The following DDX60 variants were observed in gnomAD, a reference collection of about 807,000 sequenced individuals.
DDX60 encodes probable ATP-dependent RNA helicase DDX60.
Under a neutral mutation model 212.8 loss-of-function variants are expected in DDX60, and 165 were observed. The observed-to-expected ratio is 0.78, with a 90% CI of 0.68 to 0.88. The LOEUF (loss-of-function observed/expected upper bound fraction) is 0.88, where lower values mean the gene tolerates loss of function less well. Among genes scored for constraint, DDX60 ranks in the 40% least tolerant of loss-of-function variants. The probability of loss-of-function intolerance (pLI) is 0.00; values close to 1 mark genes in which losing one functional copy is unlikely to be tolerated. For missense variants in DDX60, 1,905 were observed against 2,003.9 expected (o/e 0.95, Z 0.94); for synonymous variants, 703 against 685.3 (o/e 1.03, Z -0.40).
intron 35 of DDX60, among the ~76,000 whole-genome samples, chr4:168,224,015 A>G (rs1733157195): frequency 6.6e-6 from 1 of 152,008 alleles, no homozygotes; most frequent in Admixed American, 6.6e-5. Context: ...GATTGAAGAA[A>G]AGTAGTGGTG....
intron 33 of DDX60, among the ~76,000 whole-genome samples, chr4:168,233,408 T>C (rs978871663): frequency 3.3e-5 from 5 of 152,036 alleles, no homozygotes; most frequent in African/African-American, 7.2e-5. Flanking sequence ...TACTTGGACA[T>C]GCATGTTTAC....
At chr4:168,289,936 C>T (rs1478113017) in intron 8 of DDX60, among the ~76,000 whole-genome samples, 1 of 152,170 alleles carries the variant, frequency 6.6e-6, no homozygotes, top group Non-Finnish European at 1.5e-5. Flanking sequence ...CCAAGTCCCC[C>T]CTGTTTTGCC....
chr4:168,261,299 G>A (rs1342266319), intron 24 of DDX60, among the ~76,000 whole-genome samples: 1 of 152,064 alleles, frequency 6.6e-6, no homozygotes, highest in Non-Finnish European at 1.5e-5. Context: ...TGACAGGAGG[G>A]CAAGTGTGAA....
At chr4:168,301,274 C>T (rs1736637369) in intron 6 of DDX60, among the ~76,000 whole-genome samples, 1 of 151,698 alleles carries the variant, frequency 6.6e-6, no homozygotes, top group East Asian at 1.9e-4. Context: ...GCTGAAAAGC[C>T]CTAGTAGCAA....
At chr4:168,243,922 C>G (rs1354022839) in intron 30 of DDX60, among the ~76,000 whole-genome samples, 1 of 152,088 alleles carries the variant, frequency 6.6e-6, no homozygotes, top group African/African-American at 2.4e-5. Flanking sequence ...TACTATGCAG[C>G]TATAAAAAGG....
intron 22 of DDX60, chr4:168,265,665 C>T (rs1734809617): frequency 6.6e-6 from 1 of 152,140 alleles, no homozygotes; most frequent in African/African-American, 2.4e-5. Flanking sequence ...TCAGCAAGTA[C>T]TCCAAACCAC....
intron 30 of DDX60, among the ~76,000 whole-genome samples, chr4:168,243,037 GCTCT>G (rs894026320): frequency 2.0e-5 from 3 of 152,002 alleles, no homozygotes; most frequent in Admixed American, 1.3e-4. Flanking sequence ...CCTTGCACAA[GCTCT>G]CTCTCTCTTT....
chr4:168,234,489 T>C (rs1200053764), intron 33 of DDX60, among the ~76,000 whole-genome samples: 1 of 152,142 alleles, frequency 6.6e-6, no homozygotes, highest in Admixed American at 6.6e-5. Context: ...AATGGTCAGA[T>C]ATTGTATTTT....
rs1490828424 is a variant in DDX60, at chr4:168,262,104, G to A, written c.3169C>T (p.His1057Tyr). ...TTAATGACTAATTTATTGTTAAAAT[G>A]AATGAAGTTTTCTGGGCACAGTTCC... ...AQELCPENFI[H>Y]FNNKLVIKKM... is the part of the protein sequence containing the mutation. The change falls in exon 24 of 38, where the codon CAT (histidine) becomes TAT (tyrosine). Residue 1057 changes from histidine to tyrosine, a missense_variant. By Grantham distance (83) the His-to-Tyr change is moderately conservative. Transcript: ENST00000393743. 2.5e-6 allele frequency: 4 copies of A among 1,589,626 alleles called. No individual in the cohort carries two copies. The highest frequency in any genetic ancestry group is 3.4e-6 in the Non-Finnish European group (4 of 1,172,388).
chr4:168,261,998 A>T lies in DDX60; in HGVS notation c.3273+2T>A. 6.3e-7 allele frequency: 1 copy of T among 1,586,168 alleles called. No homozygotes were observed. Among genetic ancestry groups the T allele is most frequent in the Non-Finnish European group, 8.5e-7 (1 of 1,170,968 alleles). ...TTTGGCCAAAAAGCGTATGAAAATT[A>T]CCTGCTCTACGTTGCCATTTTTAAT... On this transcript the variant is annotated splice_donor_variant, in intron 24 of 37. Transcript: ENST00000393743. LOFTEE classifies it high-confidence loss of function.
intron 30 of DDX60, among the ~76,000 whole-genome samples, chr4:168,241,359 AAC>A (rs1733830901): frequency 6.6e-6 from 1 of 152,180 alleles, no homozygotes; most frequent in Admixed American, 6.5e-5. Flanking sequence ...CAGAAATTGG[AAC>A]AGTTTGGAGG....
intron 8 of DDX60, 102 bp downstream of exon 8, chr4:168,291,645 AG>A: frequency 9.8e-7 from 1 of 1,019,974 alleles, no homozygotes; most frequent in Middle Eastern, 2.6e-4. Flanking sequence ...ATAGCCCCCA[AG>A]GGGCTAATAG....
intron 26 of DDX60, among the ~76,000 whole-genome samples, chr4:168,254,076 T>A (rs1233898626): frequency 6.6e-6 from 1 of 152,378 alleles, no homozygotes; most frequent in African/African-American, 2.4e-5. Flanking sequence ...GCTCCACATA[T>A]TATTGCCTCA....
At chr4:168,239,966 T>G (rs1733780731) in intron 30 of DDX60, among the ~76,000 whole-genome samples, 1 of 152,128 alleles carries the variant, frequency 6.6e-6, no homozygotes, top group African/African-American at 2.4e-5. Context: ...TATTGAAAGT[T>G]CTGGCCAGGG....
At chr4:168,242,098 T>C (rs1427331035) in intron 30 of DDX60, among the ~76,000 whole-genome samples, 1 of 152,180 alleles carries the variant, frequency 6.6e-6, no homozygotes, top group Non-Finnish European at 1.5e-5. Flanking sequence ...AGCATGACAG[T>C]GCACAGAAGT....
In DDX60 at chr4:168,306,359, G is replaced by T; in HGVS notation, c.606+20C>A. 6.4e-7 allele frequency: 1 copy of T among 1,553,124 alleles called. No individual in the cohort carries two copies. Among genetic ancestry groups the T allele is most frequent in the South Asian group, 1.2e-5 (1 of 82,932 alleles). ...ATTTTGAAAATTTCTAGAAGAAATTGTCTTTTGGATGTGAATTACCTTCCA... is the reference window on the plus strand; with the variant it reads ...ATTTTGAAAATTTCTAGAAGAAATTTTCTTTTGGATGTGAATTACCTTCCA... On this transcript the variant is annotated intron_variant, in intron 5 of 37. Coordinates refer to ENST00000393743, the MANE Select transcript of DDX60 (RefSeq NM_017631.6).
intron 33 of DDX60, among the ~76,000 whole-genome samples, chr4:168,228,128 G>A (rs530009078): frequency 2.9e-4 from 44 of 152,194 alleles, no homozygotes; most frequent in Admixed American, 8.5e-4. Context: ...CTACAAACCT[G>A]TACAGCATGT....
At chr4:168,280,266 TG>T in intron 14 of DDX60, 68 bp downstream of exon 14, 1 of 1,527,244 alleles carries the variant, frequency 6.5e-7, no homozygotes. Context: ...AGTTAACAAA[TG>T]GCAACTATCA....
At position 168,261,990 on chromosome 4, in the gene DDX60, T is replaced by C. The variant is rs1396224847; in HGVS notation, c.3273+10A>G. 2 of 1,583,198 alleles carry C rather than the reference T, an allele frequency of 1.3e-6. No individual in the cohort carries two copies. Among genetic ancestry groups the C allele is most frequent in the East Asian group, 2.3e-5 (1 of 42,932 alleles). ...AAATAAAGTTTGGCCAAAAAGCGTA[T>C]GAAAATTACCTGCTCTACGTTGCCA... is the stretch of plus-strand genomic sequence containing the variant. On this transcript the variant is annotated intron_variant, in intron 24 of 37. Transcript: ENST00000393743.
Sources: gnomAD v4.1 joint callset for allele counts (sites outside exome capture counted in the v4.1 genomes callset) on GRCh38, gnomAD v4.1.1 for gene constraint, MANE v1.5 for transcripts, NCBI Gene and HGNC (gene_info 2026-07-23, HGNC 2026-07-21) for gene names.